The following TMEM80 variants were observed in gnomAD, a reference collection of about 807,000 sequenced individuals.
The protein encoded by TMEM80 is transmembrane protein 80.
A neutral mutation model predicts 13.6 loss-of-function variants in TMEM80; 16 were observed. The ratio of observed to expected loss-of-function variants is 1.17; its 90% confidence interval spans 0.79 to 1.78. TMEM80 has a LOEUF of 1.78. TMEM80 is among the 40% of genes most tolerant of loss of function. The pLI is 0.00. For missense variants in TMEM80, 167 were observed against 184.6 expected, an observed-to-expected ratio of 0.90 and a Z score of 0.55; for synonymous variants, 92 against 89.5, an observed-to-expected ratio of 1.03 and a Z score of -0.16.
At position 700,158 on chromosome 11, in the gene TMEM80, T is replaced by C; in HGVS notation, c.56T>C (p.Leu19Pro). ...ACTCACCAGCTCTCTTCAGTTCCCC[T>C]TCAAATGCTGTTTTATCTCAGCGGA... ...GSSTVLSSVP[L>P]QMLFYLSGTY... The change falls in exon 3 of 5, where the codon CTT (leucine) becomes CCT (proline). Residue 19 changes from leucine (L) to proline (P), a missense_variant. Leu to Pro is a moderately conservative substitution (Grantham distance 98). Transcript: ENST00000397510. 6.2e-7 allele frequency: 1 copy of C among 1,614,124 alleles called. No homozygotes were observed. The highest frequency in any genetic ancestry group is 1.1e-5 in the South Asian group (1 of 91,066).
Position 700,844 on chromosome 11 carries a change from A to T in TMEM80, c.226+137A>T, listed in dbSNP as rs1418648554. ...CAAACTGCTTACCCAGTTGCTTTGC[A>T]GGCTCACCTTACAGTGTCATTAAGT... On this transcript the variant is annotated intron_variant, in intron 4 of 4. Transcript: ENST00000397510. The T allele has an allele frequency of 3.7e-6, 3 of 819,674 alleles. No homozygotes were observed. The African/African-American group carries it at 5.1e-5, about 14-fold the overall frequency. 50.8% of individuals were successfully genotyped at this position (819,674 alleles called of 1,614,324 possible).
At position 700,167 on chromosome 11, in the gene TMEM80, T is replaced by C. The variant is rs1206970499; in HGVS notation, c.65T>C (p.Leu22Pro). 5 of 1,614,048 alleles carry C rather than the reference T, an allele frequency of 3.1e-6. No individual in the cohort carries two copies. The highest frequency in any genetic ancestry group is 2.2e-5 in the East Asian group (1 of 44,896). The change falls in exon 3 of 5, where the codon CTG becomes CCG. Residue 22 changes from leucine (L) to proline (P), a missense_variant. By Grantham distance (98) the Leu-to-Pro change is moderately conservative (BLOSUM62 -3). Coordinates refer to ENST00000397510, the MANE Select transcript of TMEM80 (RefSeq NM_001042463.3). ...TVLSSVPLQMLFYLSGTYYAL... is the reference protein window; with the variant it reads ...TVLSSVPLQMPFYLSGTYYAL... The stretch of plus-strand genomic sequence containing the variant: ...CTCTCTTCAGTTCCCCTTCAAATGC[T>C]GTTTTATCTCAGCGGAACGTACTAC...
At chr11:701,370 GTTTT>G (rs1405595018) in intron 4 of TMEM80, among the ~76,000 whole-genome samples, 16 of 104,806 alleles carry the variant, frequency 1.5e-4, no homozygotes, top group Non-Finnish European at 3.1e-4. Context: ...GTTTTGTTTT[GTTTT>G]GTTTTTTTTT....
At chr11:702,507 G>A (rs1237649734) in intron 4 of TMEM80, among the ~76,000 whole-genome samples, 2 of 152,314 alleles carry the variant, frequency 1.3e-5, no homozygotes, top group Non-Finnish European at 2.9e-5. Flanking sequence ...TGCTAAATAC[G>A]CAGTTTTGTT....
chr11:699,270 T>C lies in TMEM80; in HGVS notation c.39+382T>C, dbSNP rs568849320. ...GACAGAGCCTTCCTCTCACCCAGGC[T>C]GGAGTGTGGCAATCACAGCTCACTG... On this transcript the variant is annotated intron_variant, in intron 2 of 4. Transcript: ENST00000397510. The C allele has an allele frequency of 1.1e-5, 3 of 269,160 alleles. No individual in the cohort carries two copies. The South Asian group carries it at 1.5e-4, about 14-fold the overall frequency. 16.7% of individuals were successfully genotyped at this position (269,160 alleles called of 1,614,324 possible). A position where few individuals can be genotyped will look rare whatever the true frequency, so the allele number is the denominator to read the frequency against.
rs1043780831 is a variant in TMEM80 at position 703,837 on chromosome 11, G to A, written c.*687G>A. ...AGAGGTCAGGGCTAAGGCCGGGGAT[G>A]AGACTGCAGGAGAGAGAGCAGCGGA... On this transcript the variant is annotated 3_prime_UTR_variant, in exon 5 of 5. Transcript: ENST00000397510. 5 of 1,234,790 alleles carry A rather than the reference G, an allele frequency of 4.0e-6. No homozygotes were observed. Among genetic ancestry groups the A allele is most frequent in the Non-Finnish European group, 5.0e-6 (5 of 990,332 alleles). 76.5% of individuals were successfully genotyped at this position (1,234,790 alleles called of 1,614,324 possible). A position where few individuals can be genotyped will look rare whatever the true frequency, so the allele number is the denominator to read the frequency against.
At chr11:702,136 C>T (rs1459952498) in intron 4 of TMEM80, among the ~76,000 whole-genome samples, 1 of 152,158 alleles carries the variant, frequency 6.6e-6, no homozygotes, top group Admixed American at 6.5e-5. Flanking sequence ...GGAAGGGTGG[C>T]CCCCACCCTT....
chr11:704,702 C>T, downstream of TMEM80: 1 of 1,247,186 alleles, frequency 8.0e-7, no homozygotes. Flanking sequence ...TCACCTGTTC[C>T]ACAGGGAACG....
chr11:704,512 C>T (rs1219110472), downstream of TMEM80: 3 of 1,287,916 alleles, frequency 2.3e-6, no homozygotes, highest in East Asian at 5.5e-5. Flanking sequence ...CCTCGGGCCA[C>T]CTCCCTCACC....
Position 703,441 on chromosome 11 carries a change from C to A in TMEM80, c.*291C>A. On this transcript the variant is annotated 3_prime_UTR_variant, in exon 5 of 5. Transcript: ENST00000397510. ...ACTCAGCCCTGTCAGTGGGGTCTGG[C>A]TTTAGCAGCCAGGCCTCCACAGACC... 9 of 1,288,186 alleles carry A rather than the reference C, an allele frequency of 7.0e-6. No individual in the cohort carries two copies. Among genetic ancestry groups the A allele is most frequent in the Non-Finnish European group, 8.8e-6 (9 of 1,021,042 alleles). 79.8% of individuals were successfully genotyped at this position (1,288,186 alleles called of 1,614,324 possible).
At chr11:701,091 A>G in intron 4 of TMEM80, 1 of 244,098 alleles carries the variant, frequency 4.1e-6, no homozygotes, top group African/African-American at 2.2e-5. Flanking sequence ...GAGTTCTGCC[A>G]GGTCCCAAAA....
At chr11:704,256 CT>C, downstream of TMEM80, 1 of 760,264 alleles carries the variant, frequency 1.3e-6, no homozygotes, top group Non-Finnish European at 1.8e-6. Context: ...TGCCGGGCGC[CT>C]TCCGCTCGGT....
rs1213338117 is a variant in TMEM80, at chr11:703,454, G to A, written c.*304G>A. 22 of 1,275,600 alleles carry A rather than the reference G, an allele frequency of 1.7e-5. No individual in the cohort carries two copies. Among genetic ancestry groups the A allele is most frequent in the East Asian group, 3.1e-5 (1 of 32,680 alleles). 79.0% of individuals were successfully genotyped at this position (1,275,600 alleles called of 1,614,324 possible). A position where few individuals can be genotyped will look rare whatever the true frequency, so the allele number is the denominator to read the frequency against. ...AGTGGGGTCTGGCTTTAGCAGCCAGGCCTCCACAGACCCCCATGGGCCCCC... is the reference window on the plus strand; with the variant it reads ...AGTGGGGTCTGGCTTTAGCAGCCAGACCTCCACAGACCCCCATGGGCCCCC... On this transcript the variant is annotated 3_prime_UTR_variant, in exon 5 of 5. Coordinates refer to ENST00000397510, the MANE Select transcript of TMEM80 (RefSeq NM_001042463.3).
chr11:702,669 G>A (rs900210894), intron 4 of TMEM80, among the ~76,000 whole-genome samples: 50 of 152,320 alleles, frequency 3.3e-4, no homozygotes, highest in Middle Eastern at 3.4e-3. Context: ...ATTCACCCCC[G>A]CCCACACAGC....
rs1374466380 is a variant in TMEM80, at chr11:700,671, C to G, written c.190C>G (p.Leu64Val). Residue 64 changes from leucine to valine, a missense_variant, in exon 4 of 5, where the codon CTG (leucine) becomes GTG (valine). Physicochemically the swap from Leu to Val is conservative, Grantham distance 32 (BLOSUM62 1). Coordinates refer to ENST00000397510, the MANE Select transcript of TMEM80 (RefSeq NM_001042463.3). ...GGTCCTCGATCTTGCTCTGCTGTTTCTGATGGGGATTCTAGAAGCAGTTCG... is the reference window on the plus strand; with the variant it reads ...GGTCCTCGATCTTGCTCTGCTGTTTGTGATGGGGATTCTAGAAGCAGTTCG... Reference protein sequence around the residue: ...YLVLDLALLFLMGILEAVRLY... With the variant: ...YLVLDLALLFVMGILEAVRLY... The G allele has an allele frequency of 5.6e-6, 9 of 1,614,134 alleles. No homozygotes were observed. In the South Asian group the frequency reaches 6.6e-5, roughly 12 times the overall value.
intron 1 of TMEM80, among the ~76,000 whole-genome samples, chr11:698,377 C>A (rs1465337093): frequency 1.3e-5 from 2 of 152,152 alleles, no homozygotes; most frequent in Non-Finnish European, 2.9e-5. Flanking sequence ...TTTGGAAAAT[C>A]CTTATTTTTG....
In TMEM80 at chr11:695,834, G is replaced by C. The variant is rs957782015; in HGVS notation, c.7G>C (p.Ala3Pro). Residue 3 changes from alanine (A) to proline (P), a missense_variant, in exon 1 of 5, where the codon GCC becomes CCC. Physicochemically the swap from Ala to Pro is conservative, Grantham distance 27. Transcript: ENST00000397510. ...GGCGGGCGGGGCGGGTAAGATGGCG[G>C]CCCCGCGGCGAGGTGAGCTCGGGCG... MA[A>P]PRRGRGSSTV... 24 of 1,230,394 alleles carry C rather than the reference G, an allele frequency of 2.0e-5. No homozygotes were observed. The highest frequency in any genetic ancestry group is 2.4e-5 in the Non-Finnish European group (24 of 986,308). 76.2% of individuals were successfully genotyped at this position (1,230,394 alleles called of 1,614,324 possible).
rs552295593 is a variant in TMEM80, at chr11:699,267, G to T, written c.39+379G>T. On this transcript the variant is annotated intron_variant, in intron 2 of 4. Transcript: ENST00000397510. The stretch of plus-strand genomic sequence containing the variant: ...AAGGACAGAGCCTTCCTCTCACCCA[G>T]GCTGGAGTGTGGCAATCACAGCTCA... 58 of 272,868 alleles carry T rather than the reference G, an allele frequency of 2.1e-4. 1 individual carries two copies. The highest frequency in any genetic ancestry group is 1.2e-3 in the African/African-American group (57 of 45,622). The allele number at this position is 272,868 out of a possible 1,614,324, so 16.9% of individuals were successfully genotyped here. A position where few individuals can be genotyped will look rare whatever the true frequency, so the allele number is the denominator to read the frequency against.
At chr11:702,274 G>A (rs1317182097) in intron 4 of TMEM80, among the ~76,000 whole-genome samples, 2 of 152,226 alleles carry the variant, frequency 1.3e-5, no homozygotes. Context: ...TCTAGAGCTT[G>A]CCCCCCAGGG....
Sources: gnomAD v4.1 joint callset for allele counts (sites outside exome capture counted in the v4.1 genomes callset) on GRCh38, gnomAD v4.1.1 for gene constraint, MANE v1.5 for transcripts, NCBI Gene and HGNC (gene_info 2026-07-23, HGNC 2026-07-21) for gene names.